KIAA1217: variants seen among roughly 807,000 people sequenced by gnomAD.
KIAA1217 encodes the protein sickle tail protein homolog.
KIAA1217 carries 88 observed loss-of-function variants against 163.9 expected under a neutral mutation model. The observed-to-expected ratio is 0.54, with a 90% CI of 0.45 to 0.64. The LOEUF is 0.64. Among genes scored for constraint, KIAA1217 ranks in the 30% least tolerant of loss-of-function variants. The pLI is 0.00. For synonymous variants in KIAA1217, 903 were observed against 923.1 expected (o/e 0.98, Z 0.39); for missense variants, 2,372 against 2,475.0 (o/e 0.96, Z 0.88).
intron 2 of KIAA1217, among the ~76,000 whole-genome samples, chr10:24,019,701 T>C (rs1306882242): frequency 1.3e-5 from 2 of 152,052 alleles, no homozygotes; most frequent in East Asian, 3.9e-4. Context: ...ATTTTATTTC[T>C]ACAATGGCAG....
At chr10:23,815,548 G>A (rs549800213) in intron 1 of KIAA1217, among the ~76,000 whole-genome samples, 1 of 152,318 alleles carries the variant, frequency 6.6e-6, no homozygotes, top group Admixed American at 6.5e-5. Flanking sequence ...GGAGGCTGAG[G>A]CAGGAGAATG....
intron 1 of KIAA1217, among the ~76,000 whole-genome samples, chr10:23,825,166 A>G (rs1837840999): frequency 6.6e-6 from 1 of 152,176 alleles, no homozygotes; most frequent in Non-Finnish European, 1.5e-5. Context: ...TATTAGTGGT[A>G]TTAGAAAACG....
chr10:23,995,625 C>T (rs1004954087), intron 1 of KIAA1217, among the ~76,000 whole-genome samples: 10 of 151,986 alleles, frequency 6.6e-5, no homozygotes, highest in African/African-American at 4.8e-5. Flanking sequence ...GTAAGATACC[C>T]GGGAATAGAT....
chr10:23,696,689 T>G (rs890764556), intron 1 of KIAA1217, among the ~76,000 whole-genome samples: 2 of 152,322 alleles, frequency 1.3e-5, no homozygotes, highest in East Asian at 1.9e-4. Context: ...ATGCTTGCTC[T>G]ACAGGGAAGG....
chr10:23,810,938 ATAG>A (rs1837000546), intron 1 of KIAA1217, among the ~76,000 whole-genome samples: 1 of 117,856 alleles, frequency 8.5e-6, no homozygotes, highest in African/African-American at 3.7e-5. Flanking sequence ...TATATATACT[ATAG>A]TATATATTAT....
At chr10:24,387,656 C>T (rs370629072) in intron 3 of KIAA1217, among the ~76,000 whole-genome samples, 5 of 152,306 alleles carry the variant, frequency 3.3e-5, no homozygotes, top group South Asian at 2.1e-4. Context: ...TAAAAACCCC[C>T]GTTGTCTCAG....
intron 1 of KIAA1217, among the ~76,000 whole-genome samples, chr10:23,874,354 A>C (rs1468012499): frequency 6.6e-6 from 1 of 151,952 alleles, no homozygotes; most frequent in African/African-American, 2.4e-5. Context: ...ATGTCATGGG[A>C]TAACTCTTTA....
chr10:23,720,827 A>T (rs1270208661), intron 1 of KIAA1217, among the ~76,000 whole-genome samples: 2 of 152,228 alleles, frequency 1.3e-5, no homozygotes, highest in Admixed American at 6.5e-5. Flanking sequence ...TATATTAACT[A>T]CTTTAAGCCC....
chr10:23,902,079 T>G (rs1012964764), intron 1 of KIAA1217, among the ~76,000 whole-genome samples: 5 of 152,054 alleles, frequency 3.3e-5, no homozygotes, highest in African/African-American at 1.2e-4. Context: ...TTGGTTCCCA[T>G]GCTGATGAGT....
At chr10:24,041,467 T>G (rs1848629813) in intron 2 of KIAA1217, among the ~76,000 whole-genome samples, 1 of 152,194 alleles carries the variant, frequency 6.6e-6, no homozygotes, top group South Asian at 2.1e-4. Context: ...CCGAACTCTT[T>G]AAAAGGTAAA....
At chr10:24,309,265 T>A in intron 2 of KIAA1217, among the ~76,000 whole-genome samples, 1 of 151,902 alleles carries the variant, frequency 6.6e-6, no homozygotes, top group East Asian at 1.9e-4. Flanking sequence ...TGATGGGGGA[T>A]GTGATATGGT....
At chr10:24,045,534 A>G (rs373330544) in intron 2 of KIAA1217, among the ~76,000 whole-genome samples, 16 of 151,834 alleles carry the variant, frequency 1.1e-4, no homozygotes, top group African/African-American at 3.6e-4. Flanking sequence ...TTATATTTTT[A>G]AGCTTTTATC....
intron 2 of KIAA1217, among the ~76,000 whole-genome samples, chr10:24,362,597 C>A (rs2134264070): frequency 6.6e-6 from 1 of 152,262 alleles, no homozygotes; most frequent in East Asian, 1.9e-4. Context: ...TTCATGAGAT[C>A]TTACATTTTT....
intron 3 of KIAA1217, among the ~76,000 whole-genome samples, chr10:24,387,695 C>A (rs998416494): frequency 5.3e-5 from 8 of 152,206 alleles, no homozygotes; most frequent in Non-Finnish European, 1.2e-4. Flanking sequence ...TGATAAGCAA[C>A]TTCAGCAAAG....
intron 2 of KIAA1217, among the ~76,000 whole-genome samples, chr10:24,277,537 A>G (rs1201878716): frequency 2.0e-5 from 3 of 152,166 alleles, no homozygotes; most frequent in Non-Finnish European, 4.4e-5. Flanking sequence ...TGTGGGAGGA[A>G]CCTGGTGGGA....
chr10:23,790,283 G>A (rs62646927), intron 1 of KIAA1217, among the ~76,000 whole-genome samples: 981 of 1,268 alleles, frequency 0.77, 443 homozygotes, highest in South Asian at 0.95. Context: ...ATATGCATAT[G>A]CACATATGCA....
intron 1 of KIAA1217, among the ~76,000 whole-genome samples, chr10:23,948,729 A>T (rs1844177162): frequency 6.6e-6 from 1 of 152,164 alleles, no homozygotes; most frequent in Non-Finnish European, 1.5e-5. Context: ...TACCTAGAAT[A>T]GTATATATGG....
At chr10:24,068,700 C>T (rs372987012) in intron 2 of KIAA1217, among the ~76,000 whole-genome samples, 2 of 152,136 alleles carry the variant, frequency 1.3e-5, no homozygotes. Flanking sequence ...TTTAGTGGCC[C>T]ACAGGTGTCC....
chr10:24,509,864 ATCATAATAT>A (rs1168576238), intron 9 of KIAA1217, among the ~76,000 whole-genome samples: 1 of 152,228 alleles, frequency 6.6e-6, no homozygotes, highest in Non-Finnish European at 1.5e-5. Flanking sequence ...GAAAGGGAAA[ATCATAATAT>A]TCATTAAGTG....
Sources: gnomAD v4.1 joint callset for allele counts (sites outside exome capture counted in the v4.1 genomes callset) on GRCh38, gnomAD v4.1.1 for gene constraint, MANE v1.5 for transcripts, NCBI Gene and HGNC (gene_info 2026-07-23, HGNC 2026-07-21) for gene names.